Variants in RERE observed in about 807,000 individuals in gnomAD.
RERE encodes the protein arginine-glutamic acid dipeptide repeats protein.
A neutral mutation model predicts 146.1 loss-of-function variants in RERE; 40 were observed. The ratio of observed to expected loss-of-function variants is 0.27; its 90% CI spans 0.21 to 0.36. RERE has a LOEUF of 0.36. Ranked by LOEUF, RERE falls within the 10% of genes least tolerant of loss-of-function variation. The pLI is 1.00. For synonymous variants in RERE, 1,003 were observed against 866.0 expected, an observed-to-expected ratio of 1.16 and a Z score of -2.78; for missense variants, 1,933 against 2,138.7, an observed-to-expected ratio of 0.90 and a Z score of 1.90.
chr1:8,420,765 C>T (rs893000943), intron 12 of RERE, among the ~76,000 whole-genome samples: 1 of 152,106 alleles, frequency 6.6e-6, no homozygotes, highest in Non-Finnish European at 1.5e-5. Context: ...AGAGCTACAG[C>T]GTGGGAAACT....
intron 12 of RERE, among the ~76,000 whole-genome samples, chr1:8,392,888 T>C (rs1405013881): frequency 6.6e-6 from 1 of 152,208 alleles, no homozygotes; most frequent in Non-Finnish European, 1.5e-5. Context: ...GAGAACACGA[T>C]GTGCATTCTC....
intron 1 of RERE, among the ~76,000 whole-genome samples, chr1:8,697,961 C>T (rs1569572716): frequency 6.6e-6 from 1 of 152,212 alleles, no homozygotes; most frequent in East Asian, 1.9e-4. Context: ...TCACACAAGA[C>T]TCACCTTATA....
In RERE at chr1:8,364,904, G is replaced by A; in HGVS notation, c.1448-66C>T. ...ATCATGCTCAGCCAAGGCTGGGCCG[G>A]TGGGGTGGGGGGGAGGGGGGAACAC... On this transcript the variant is annotated intron_variant, in intron 13 of 22. Coordinates refer to ENST00000400908, the MANE Select transcript of RERE (RefSeq NM_001042681.2). The surrounding 1 kb of genome is among the most constrained non-coding windows in gnomAD (Gnocchi z 5.1). 1.3e-6 allele frequency: 1 copy of A among 784,864 alleles called. No homozygotes were observed. The highest frequency in any genetic ancestry group is 2.2e-5 in the Admixed American group (1 of 46,382). 48.6% of individuals were successfully genotyped at this position (784,864 alleles called of 1,614,324 possible).
Position 8,737,998 on chromosome 1 carries a change from T to C in RERE, c.-145+79162A>G, listed in dbSNP as rs77374276. Among the ~76,000 whole-genome samples, 415 of 152,352 alleles carry C rather than the reference T, an allele frequency of 2.7e-3. 3 individuals are homozygous for C. Among genetic ancestry groups the C allele is most frequent in the African/African-American group, 9.6e-3 (400 of 41,574 alleles). On this transcript the variant is annotated intron_variant, in intron 1 of 22. Transcript: ENST00000400908. ...CAAAGCACACTGTGGAATATAAGGA[T>C]GCAGAATAAACAGCTATTCAGAAAG...
At chr1:8,432,108 A>C (rs926840761) in intron 11 of RERE, among the ~76,000 whole-genome samples, 1 of 152,046 alleles carries the variant, frequency 6.6e-6, no homozygotes, top group Non-Finnish European at 1.5e-5. Flanking sequence ...GGCATTCTGT[A>C]TATTAATGTG....
At chr1:8,577,688 A>G (rs1646313015) in intron 4 of RERE, among the ~76,000 whole-genome samples, 1 of 152,226 alleles carries the variant, frequency 6.6e-6, no homozygotes, top group African/African-American at 2.4e-5. Context: ...CTCACTGAAT[A>G]TAAGATATTC....
chr1:8,495,186 T>G (rs917998650), intron 9 of RERE, 24 bp from the exon 10 acceptor site: 4 of 1,540,334 alleles, frequency 2.6e-6, no homozygotes, highest in Middle Eastern at 1.7e-4. Context: ...GGTTTTTCCT[T>G]TATTAGTACA....
chr1:8,733,423 G>A (rs568840904), intron 1 of RERE, among the ~76,000 whole-genome samples: 2 of 152,194 alleles, frequency 1.3e-5, no homozygotes, highest in Non-Finnish European at 2.9e-5. Context: ...CTGCCTCCTG[G>A]TATTCAAACT....
chr1:8,362,374 T>C (rs1051336414), intron 16 of RERE, among the ~76,000 whole-genome samples: 1 of 152,110 alleles, frequency 6.6e-6, no homozygotes, highest in African/African-American at 2.4e-5. Context: ...CTGGAGCCAA[T>C]CTCTAATGGA....
intron 1 of RERE, among the ~76,000 whole-genome samples, chr1:8,788,362 G>GTTTT (rs372484015): frequency 1.5e-5 from 2 of 134,768 alleles, no homozygotes; most frequent in South Asian, 2.4e-4. Context: ...TTATCAAGGA[G>GTTTT]TTTTTTTTTT....
Position 8,556,634 on chromosome 1 carries a change from T to C in RERE, c.629-63A>G, listed in dbSNP as rs182449669. ...TTTCCCAAAACAAGTAAAAAAAATT[T>C]GTAAAACTTTTCTTTCACGTTTACC... is the stretch of plus-strand genomic sequence containing the variant. On this transcript the variant is annotated intron_variant, in intron 5 of 22. Transcript: ENST00000400908. The C allele has an allele frequency of 5.2e-5, 56 of 1,068,818 alleles. No individual in the cohort carries two copies. The Admixed American group carries it at 6.5e-4, about 12-fold the overall frequency. The allele number at this position is 1,068,818 out of a possible 1,614,324, so 66.2% of individuals were successfully genotyped here.
intron 4 of RERE, among the ~76,000 whole-genome samples, chr1:8,611,850 G>GT (rs1257342827): frequency 6.6e-6 from 1 of 152,168 alleles, no homozygotes; most frequent in Non-Finnish European, 1.5e-5. Flanking sequence ...CAGCTGGCGG[G>GT]TAGAATCATT....
At chr1:8,380,818 C>G (rs1406131239) in intron 12 of RERE, 8 of 456,606 alleles carry the variant, frequency 1.8e-5, no homozygotes, top group Non-Finnish European at 3.5e-5. Flanking sequence ...GATGAAGGAA[C>G]CAAAGTCAGG....
chr1:8,806,170 T>C (rs1641689242), intron 1 of RERE, among the ~76,000 whole-genome samples: 1 of 152,154 alleles, frequency 6.6e-6, no homozygotes, highest in Non-Finnish European at 1.5e-5. Flanking sequence ...TATTTTTGAT[T>C]ATTCAAATAA....
rs561878574 is a variant in RERE at position 8,600,462 on chromosome 1, T to C, written c.522+14099A>G. Among the ~76,000 whole-genome samples the C allele has an allele frequency of 3.9e-5, 6 of 152,338 alleles. No homozygotes were observed. In the South Asian group the frequency reaches 6.2e-4, roughly 16 times the overall value. On this transcript the variant is annotated intron_variant, in intron 4 of 22. Transcript: ENST00000400908. ...ATCTGCTCAGTATCTTAAGAGCAGATTGAAAATCATAATAATAGCTGTGCC... is the reference window on the plus strand; with the variant it reads ...ATCTGCTCAGTATCTTAAGAGCAGACTGAAAATCATAATAATAGCTGTGCC...
intron 12 of RERE, among the ~76,000 whole-genome samples, chr1:8,369,182 C>T (rs1453316829): frequency 1.3e-5 from 2 of 152,096 alleles, no homozygotes; most frequent in Non-Finnish European, 1.5e-5. Context: ...GCCTGGGGGA[C>T]AGGGCGAGAG....
intron 10 of RERE, among the ~76,000 whole-genome samples, chr1:8,480,143 G>GTTTTTTTTTTTTT (rs375571417): frequency 1.9e-5 from 2 of 105,426 alleles, no homozygotes; most frequent in Non-Finnish European, 3.8e-5. Context: ...TTTTTTTTTT[G>GTTTTTTTTTTTTT]TTTTTTTTTT....
At chr1:8,766,574 AAAAG>A (rs1185993395) in intron 1 of RERE, among the ~76,000 whole-genome samples, 3 of 151,884 alleles carry the variant, frequency 2.0e-5, no homozygotes, top group Admixed American at 1.3e-4. Context: ...GAAAAGAAAA[AAAAG>A]AGAGAGAGAG....
intron 1 of RERE, among the ~76,000 whole-genome samples, chr1:8,812,800 T>C (rs1043460557): frequency 6.6e-5 from 10 of 152,162 alleles, no homozygotes; most frequent in African/African-American, 2.2e-4. Context: ...GCTATACAAA[T>C]CACAATTCCA....
Sources: allele counts gnomAD v4.1 joint callset (sites outside exome capture counted in the v4.1 genomes callset), GRCh38; gene constraint gnomAD v4.1.1; non-coding constraint Gnocchi (gnomAD v3.1); transcripts MANE v1.5; gene names NCBI Gene and HGNC (gene_info 2026-07-23, HGNC 2026-07-21).